Variants in DMD observed in about 807,000 individuals in gnomAD.
The protein encoded by DMD is mutant dystrophin.
In DMD, 63 loss-of-function variants were observed where a neutral mutation model predicts 330.1. The ratio of observed to expected loss-of-function variants is 0.19; its 90% CI spans 0.16 to 0.24. The LOEUF (loss-of-function observed/expected upper bound fraction) is 0.24, where lower values mean the gene tolerates loss of function less well. Among genes scored for constraint, DMD ranks in the 10% least tolerant of loss-of-function variants. The pLI is 1.00. For synonymous variants in DMD, 1,223 were observed against 959.8 expected (o/e 1.27, Z -5.07); for missense variants, 3,344 against 2,684.1 (o/e 1.25, Z -5.43).
intron 47 of DMD, among the ~76,000 whole-genome samples, chrX:31,925,214 T>C (rs756652519): frequency 8.9e-6 from 1 of 112,001 alleles, no homozygotes; most frequent in African/African-American, 3.2e-5. Flanking sequence ...ATTAGGATAT[T>C]ATCCACATAA....
At chrX:32,548,900 C>A (rs936032020) in intron 16 of DMD, among the ~76,000 whole-genome samples, 2 of 111,310 alleles carry the variant, frequency 1.8e-5, no homozygotes. Flanking sequence ...TTTAATATGG[C>A]AGAGTCAAAA....
intron 59 of DMD, 88 bp downstream of exon 59, chrX:31,478,016 CTT>C: frequency 9.6e-7 from 1 of 1,039,220 alleles, no homozygotes; most frequent in East Asian, 3.1e-5. Flanking sequence ...CTAGCTTTAA[CTT>C]TGTGGGAAGA....
chrX:32,952,535 TCA>T (rs747212567), intron 2 of DMD, among the ~76,000 whole-genome samples: 13 of 111,293 alleles, frequency 1.2e-4, no homozygotes, highest in East Asian at 5.7e-4. Context: ...ATTCTAAAAA[TCA>T]CAGTCTCGTG....
chrX:32,205,005 TCACATA>T (rs1489825397), intron 44 of DMD, among the ~76,000 whole-genome samples: 994 of 29,205 alleles, frequency 0.034, 18 homozygotes, highest in African/African-American at 0.11. Context: ...TCTCTCTCTC[TCACATA>T]CACACACACA....
intron 51 of DMD, among the ~76,000 whole-genome samples, chrX:31,771,934 A>C: frequency 8.9e-6 from 1 of 111,751 alleles, no homozygotes; most frequent in Non-Finnish European, 1.9e-5. Context: ...GCTTCCCTAA[A>C]TGCTGGACTC....
At position 32,356,247 on chromosome X, in the gene DMD, A is replaced by G. The variant is rs183490520; in HGVS notation, c.5325+6541T>C. On this transcript the variant is annotated intron_variant, in intron 37 of 78. Transcript: ENST00000357033. Reference sequence around the variant, plus strand: ...ATTTTAAGATAGATTAGGCCCAATCATGTGTTTCTTTTTCTTATATATTCT... The same window carrying G: ...ATTTTAAGATAGATTAGGCCCAATCGTGTGTTTCTTTTTCTTATATATTCT... Among the ~76,000 whole-genome samples the G allele has an allele frequency of 9.5e-3, 1,046 of 109,648 alleles. 12 individuals carry two copies. The highest frequency in any genetic ancestry group is 0.033 in the African/African-American group (988 of 30,211).
At chrX:33,098,648 G>A (rs912987775) in intron 1 of DMD, among the ~76,000 whole-genome samples, 14 of 111,737 alleles carry the variant, frequency 1.3e-4, no homozygotes, top group African/African-American at 4.5e-4. Flanking sequence ...GTTCCCTGGT[G>A]CTGCAAAGAA....
At chrX:32,731,598 C>T (rs2067661404) in intron 7 of DMD, among the ~76,000 whole-genome samples, 1 of 112,241 alleles carries the variant, frequency 8.9e-6, no homozygotes. Context: ...AAGTGGGTGC[C>T]TGACCCCTGA....
chrX:31,319,070 A>G (rs1190033421), intron 62 of DMD, among the ~76,000 whole-genome samples: 1 of 112,234 alleles, frequency 8.9e-6, no homozygotes, highest in African/African-American at 3.2e-5. Flanking sequence ...TTCTGCACCA[A>G]TGGGAGACAG....
chrX:31,390,637 C>T (rs1413679835), intron 60 of DMD, among the ~76,000 whole-genome samples: 2 of 111,388 alleles, frequency 1.8e-5, no homozygotes, highest in Non-Finnish European at 3.8e-5. Flanking sequence ...CAGATTTTGT[C>T]TCGAAAATAC....
At chrX:32,736,184 A>G (rs1309242792) in intron 7 of DMD, among the ~76,000 whole-genome samples, 1 of 112,483 alleles carries the variant, frequency 8.9e-6, no homozygotes, top group African/African-American at 3.2e-5. Context: ...ATCACTGGGC[A>G]TCAGAGAAAT....
At chrX:33,208,260 G>A (rs954925259) in intron 1 of DMD, among the ~76,000 whole-genome samples, 2 of 111,449 alleles carry the variant, frequency 1.8e-5, no homozygotes, top group African/African-American at 3.3e-5. Context: ...TTAAATAAAA[G>A]GTTGTCTTTG....
chrX:31,351,631 C>G (rs2058418737), intron 60 of DMD, among the ~76,000 whole-genome samples: 2 of 103,493 alleles, frequency 1.9e-5, no homozygotes, highest in African/African-American at 7.2e-5. Context: ...GAAGCTGAGA[C>G]AGGAGAATCA....
At chrX:32,773,983 A>G (rs16990682) in intron 7 of DMD, among the ~76,000 whole-genome samples, 5,170 of 111,259 alleles carry the variant, frequency 0.046, 306 homozygotes, top group African/African-American at 0.16. Context: ...GAAGAAATAT[A>G]TCATTACCAA....
chrX:31,282,071 T>A (rs2052657236), intron 62 of DMD, among the ~76,000 whole-genome samples: 1 of 111,798 alleles, frequency 8.9e-6, no homozygotes, highest in Admixed American at 9.5e-5. Flanking sequence ...TGTTTTTTAG[T>A]TTGGTGAACA....
At chrX:31,220,366 C>G (rs1187618508) in intron 64 of DMD, among the ~76,000 whole-genome samples, 1 of 111,461 alleles carries the variant, frequency 9.0e-6, no homozygotes, top group Non-Finnish European at 1.9e-5. Flanking sequence ...TCCACTGTGC[C>G]TCTAAAATCT....
chrX:32,001,189 G>C (rs1234880712), intron 44 of DMD, among the ~76,000 whole-genome samples: 2 of 110,930 alleles, frequency 1.8e-5, no homozygotes, highest in African/African-American at 6.6e-5. Context: ...TCACGGACGT[G>C]GTTGTAGGAC....
chrX:33,305,515 T>C (rs2053746925), intron 1 of DMD, among the ~76,000 whole-genome samples: 2 of 102,656 alleles, frequency 1.9e-5, no homozygotes, highest in Admixed American at 1.1e-4. Flanking sequence ...CATGTATACA[T>C]ACGTAACTAA....
chrX:32,563,364 A>G (rs2051282883), intron 16 of DMD, among the ~76,000 whole-genome samples: 2 of 95,705 alleles, frequency 2.1e-5, no homozygotes, highest in South Asian at 4.9e-4. Flanking sequence ...AAAAAAAAAA[A>G]GCAGATAGAG....
Sources: gnomAD v4.1 joint callset for allele counts (sites outside exome capture counted in the v4.1 genomes callset) on GRCh38, gnomAD v4.1.1 for gene constraint, MANE v1.5 for transcripts, NCBI Gene and HGNC (gene_info 2026-07-23, HGNC 2026-07-21) for gene names.